Variants in GRIN2A observed in about 807,000 individuals in gnomAD.
GRIN2A encodes the protein glutamate ionotropic receptor NMDA type subunit 2A, also known as glutamate receptor ionotropic, NMDA 2A.
In GRIN2A, 22 loss-of-function variants were observed where a neutral mutation model predicts 113.4. The ratio of observed to expected loss-of-function variants is 0.19; its 90% CI spans 0.14 to 0.28. The LOEUF (loss-of-function observed/expected upper bound fraction) is 0.28, where lower values mean the gene tolerates loss of function less well. Ranked by LOEUF, GRIN2A falls within the 10% of genes least tolerant of loss-of-function variation. The pLI, the probability that GRIN2A is intolerant of heterozygous loss-of-function variation, is 1.00. For missense variants in GRIN2A, 1,502 were observed against 1,887.0 expected (o/e 0.80, Z 3.78); for synonymous variants, 827 against 738.4 (o/e 1.12, Z -1.94).
At chr16:10,037,955 G>A (rs747773646) in intron 2 of GRIN2A, among the ~76,000 whole-genome samples, 1 of 152,160 alleles carries the variant, frequency 6.6e-6, no homozygotes, top group Admixed American at 6.5e-5. Flanking sequence ...ACACCCAGCA[G>A]TCCTTCCAGA....
intron 2 of GRIN2A, among the ~76,000 whole-genome samples, chr16:10,015,060 C>T (rs1738868612): frequency 6.6e-6 from 1 of 151,576 alleles, no homozygotes; most frequent in Non-Finnish European, 1.5e-5. Context: ...TCGGGACCAG[C>T]CTGGCCAACA....
chr16:9,979,785 C>CTATATATATATATATACA (rs2045853171), intron 2 of GRIN2A, among the ~76,000 whole-genome samples: 1 of 122,348 alleles, frequency 8.2e-6, no homozygotes, highest in Non-Finnish European at 1.7e-5. Context: ...GACTATGGGA[C>CTATATATATATATATACA]TATATATATA....
rs988657260 is a variant in GRIN2A, at chr16:9,754,232, C to G, written c.*8917G>C. 2 of 193,862 alleles carry G rather than the reference C, an allele frequency of 1.0e-5. No individual in the cohort carries two copies. Among genetic ancestry groups the G allele is most frequent in the Admixed American group, 6.1e-5 (1 of 16,320 alleles). 12.0% of individuals were successfully genotyped at this position (193,862 alleles called of 1,614,324 possible). ...TGGTGAATTCTGCCAATTAATTCAG[C>G]AGGTTTATGCTTTTAAATTTGTTTT... On this transcript the variant is annotated 3_prime_UTR_variant, in exon 13 of 13. Transcript: ENST00000330684.
At chr16:10,039,782 GA>G (rs1441630340) in intron 2 of GRIN2A, among the ~76,000 whole-genome samples, 2 of 92,194 alleles carry the variant, frequency 2.2e-5, no homozygotes, top group African/African-American at 8.1e-5. Context: ...GAGGGAGGGG[GA>G]GGGGGAGGGG....
chr16:10,158,712 T>C (rs2049752729), intron 2 of GRIN2A, among the ~76,000 whole-genome samples: 1 of 152,000 alleles, frequency 6.6e-6, no homozygotes, highest in Non-Finnish European at 1.5e-5. Flanking sequence ...CTAGAACGAG[T>C]AAATCCACAG....
intron 10 of GRIN2A, among the ~76,000 whole-genome samples, chr16:9,804,346 G>T (rs766374776): frequency 6.6e-6 from 1 of 152,216 alleles, no homozygotes; most frequent in African/African-American, 2.4e-5. Flanking sequence ...CCACTGAGGG[G>T]CTGGTTCCTT....
chr16:9,967,903 A>C (rs915080293), intron 2 of GRIN2A, among the ~76,000 whole-genome samples: 1 of 152,348 alleles, frequency 6.6e-6, no homozygotes, highest in African/African-American at 2.4e-5. Context: ...AATTAAAAAA[A>C]TTTTAAAACA....
At chr16:9,886,277 T>C (rs552722195) in intron 4 of GRIN2A, among the ~76,000 whole-genome samples, 1 of 152,190 alleles carries the variant, frequency 6.6e-6, no homozygotes, top group South Asian at 2.1e-4. Flanking sequence ...AAAACATGAA[T>C]TGCATTTTGG....
chr16:10,019,061 A>T (rs958662681), intron 2 of GRIN2A, among the ~76,000 whole-genome samples: 2 of 98,664 alleles, frequency 2.0e-5, no homozygotes, highest in African/African-American at 8.9e-5. Flanking sequence ...GTTGATCTCC[A>T]AAAAAAAAAA....
rs577048662 is a variant in GRIN2A at position 9,974,636 on chromosome 16, G to T, written c.415-36085C>A. Among the ~76,000 whole-genome samples the T allele has an allele frequency of 7.2e-5, 11 of 152,178 alleles. No individual in the cohort carries two copies. In the East Asian group the frequency reaches 2.1e-3, roughly 29 times the overall value. ...TCCGTGTCTGAGGAGTTTTGTCTGC[G>T]GCTCGTCCTGCTACAAGGGGAATGA... On this transcript the variant is annotated intron_variant, in intron 2 of 12. Transcript: ENST00000330684.
chr16:10,032,578 T>G (rs2046949725), intron 2 of GRIN2A, among the ~76,000 whole-genome samples: 1 of 152,208 alleles, frequency 6.6e-6, no homozygotes, highest in South Asian at 2.1e-4. Context: ...GCAACCCACC[T>G]TCAAAGGTAA....
intron 2 of GRIN2A, among the ~76,000 whole-genome samples, chr16:10,034,535 CAAAAAAAAAAAAAA>C (rs58076569): frequency 1.4e-4 from 5 of 36,428 alleles, no homozygotes; most frequent in Non-Finnish European, 2.0e-4. Flanking sequence ...CAAAAAAAAG[CAAAAAAAAAAAAAA>C]AAAAAAAAAA....
chr16:10,010,106 C>G (rs911962515), intron 2 of GRIN2A, among the ~76,000 whole-genome samples: 1 of 152,260 alleles, frequency 6.6e-6, no homozygotes, highest in African/African-American at 2.4e-5. Context: ...CTCCCTAGTA[C>G]TGTGCCCTCA....
chr16:10,047,269 G>T (rs941068816), intron 2 of GRIN2A, among the ~76,000 whole-genome samples: 1 of 152,102 alleles, frequency 6.6e-6, no homozygotes, highest in Non-Finnish European at 1.5e-5. Context: ...GATAGATCTA[G>T]GTCCCACTCT....
At chr16:10,176,675 A>G (rs911673090) in intron 2 of GRIN2A, among the ~76,000 whole-genome samples, 1 of 134,870 alleles carries the variant, frequency 7.4e-6, no homozygotes, top group Non-Finnish European at 1.6e-5. Context: ...CAGGAAGGGG[A>G]ACATCACACA....
At chr16:10,029,987 A>T (rs1052764275) in intron 2 of GRIN2A, among the ~76,000 whole-genome samples, 2 of 151,948 alleles carry the variant, frequency 1.3e-5, no homozygotes, top group Admixed American at 6.6e-5. Context: ...ACAGAGTGAG[A>T]CTCTGTCTCC....
rs139619267 is a variant in GRIN2A, at chr16:10,166,745, G to A, written c.414+13253C>T. The stretch of plus-strand genomic sequence containing the variant: ...GACCTGTGAACAACACACTGCATGC[G>A]TCTACCTATACGCAAATTTCTTCTC... On this transcript the variant is annotated intron_variant, in intron 2 of 12. Transcript: ENST00000330684. Among the ~76,000 whole-genome samples the A allele has an allele frequency of 1.0e-3, 157 of 152,244 alleles. 3 individuals carry two copies. In the East Asian group the frequency reaches 0.022, roughly 22 times the overall value.
At chr16:10,102,537 CT>C (rs888836314) in intron 2 of GRIN2A, among the ~76,000 whole-genome samples, 1 of 151,818 alleles carries the variant, frequency 6.6e-6, no homozygotes, top group African/African-American at 2.4e-5. Context: ...TTCTTTTTTT[CT>C]TTTTTTTCTT....
intron 4 of GRIN2A, among the ~76,000 whole-genome samples, chr16:9,850,555 A>G (rs1032746415): frequency 6.6e-6 from 1 of 152,182 alleles, no homozygotes; most frequent in African/African-American, 2.4e-5. Flanking sequence ...GATGAAGGAA[A>G]AGAGAAAAAG....
Sources: allele counts gnomAD v4.1 joint callset (sites outside exome capture counted in the v4.1 genomes callset), GRCh38; gene constraint gnomAD v4.1.1; transcripts MANE v1.5; gene names NCBI Gene and HGNC (gene_info 2026-07-23, HGNC 2026-07-21).